The following TAF10 variants were observed in gnomAD, a reference collection of about 807,000 sequenced individuals.
The protein encoded by TAF10 is TATA-box binding protein associated factor 10.
TAF10 carries 2 observed loss-of-function variants against 18.1 expected under a neutral mutation model. The observed-to-expected ratio is 0.11, with a 90% CI of 0.05 to 0.35. The LOEUF (loss-of-function observed/expected upper bound fraction) is 0.35, where lower values mean the gene tolerates loss of function less well. Among genes scored for constraint, TAF10 ranks in the 10% least tolerant of loss-of-function variants. The probability of loss-of-function intolerance (pLI) is 1.00; values close to 1 mark genes in which losing one functional copy is unlikely to be tolerated. For missense variants in TAF10, 293 were observed against 306.9 expected, an observed-to-expected ratio of 0.95 and a Z score of 0.34; for synonymous variants, 158 against 134.6, an observed-to-expected ratio of 1.17 and a Z score of -1.20.
At position 6,612,092 on chromosome 11, in the gene TAF10, A is replaced by G. The variant is rs1398102402; in HGVS notation, c.98T>C (p.Leu33Pro). 5.7e-6 allele frequency: 7 copies of G among 1,233,756 alleles called. No homozygotes were observed. Among genetic ancestry groups the G allele is most frequent in the African/African-American group, 1.6e-5 (1 of 63,774 alleles). 76.4% of individuals were successfully genotyped at this position (1,233,756 alleles called of 1,614,324 possible). ...PAPPVSAPAA[L>P]PSSTAAENKA... ...GTTCTCCGCGGCGGTGCTGGAGGGC[A>G]GCGCGGCGGGAGCCGAGACCGGGGG... Residue 33 changes from leucine to proline, a missense_variant, in exon 1 of 5, where the codon CTG (leucine) becomes CCG (proline). Transcript: ENST00000299424.
Position 6,608,885 on chromosome 11 carries a change from G to A in TAF10, c.*2037C>T. The stretch of plus-strand genomic sequence containing the variant: ...GCTTAGGTTGTTTTTCTTCCCTAGA[G>A]CGGGCAGAGAAGATGGGCCAGAATC... On this transcript the variant is annotated 3_prime_UTR_variant, in exon 5 of 5. Transcript: ENST00000299424. The surrounding 1 kb of genome is among the most constrained non-coding windows in gnomAD (Gnocchi z 4.9). 1 of 1,614,198 alleles carries A rather than the reference G, an allele frequency of 6.2e-7. No individual in the cohort carries two copies.
rs374912970 is a variant in TAF10, at chr11:6,611,757, T to C, written c.294A>G (p.Val98=). The C allele has an allele frequency of 6.2e-7, 1 of 1,611,548 alleles. No homozygotes were observed. The highest frequency in any genetic ancestry group is 1.3e-5 in the African/African-American group (1 of 74,998). The stretch of plus-strand genomic sequence containing the variant: ...CGTCTCCGTTGGCCGCGCTCGGCAG[T>C]ACGTAAACCCCGTTAGATATGGCCC... ...PEGAISNGVY[V]LPSAANGDVK... is the part of the protein sequence containing the mutation. Residue 98 remains valine, a synonymous_variant, in exon 2 of 5, where the codon GTA becomes GTG. Transcript: ENST00000299424.
chr11:6,609,605 T>C lies in TAF10; in HGVS notation c.*1317A>G. On this transcript the variant is annotated 3_prime_UTR_variant, in exon 5 of 5. Coordinates refer to ENST00000299424, the MANE Select transcript of TAF10 (RefSeq NM_006284.4). ...CTCTCATCACACACTGGATGCCGTA[T>C]GGATCCCTCTACAATGTACTACATG... 6.2e-7 allele frequency: 1 copy of C among 1,614,176 alleles called. No homozygotes were observed. Among genetic ancestry groups the C allele is most frequent in the Non-Finnish European group, 8.5e-7 (1 of 1,180,018 alleles).
In TAF10 at chr11:6,610,084, T is replaced by G; in HGVS notation, c.*838A>C. 6.2e-7 allele frequency: 1 copy of G among 1,613,248 alleles called. No individual in the cohort carries two copies. ...AGGTAAAAAAGGACCACCTCAGAAG[T>G]AGTGGAAGGGGGCAGAGACAGGACA... On this transcript the variant is annotated 3_prime_UTR_variant, in exon 5 of 5. Transcript: ENST00000299424.
chr11:6,611,920 A>T (rs1230363407), intron 1 of TAF10, 38 bp downstream of exon 1: 3 of 1,576,350 alleles, frequency 1.9e-6, no homozygotes, highest in Non-Finnish European at 2.6e-6. Context: ...GACCCAGCCC[A>T]AGACGCTTCC....
At position 6,610,629 on chromosome 11, in the gene TAF10, C is replaced by T. The variant is rs1802876; in HGVS notation, c.*293G>A. ...ACAAGTAGGACTGGAAGGTCCTTGC[C>T]TGAACTCCAGAGGTGTCGGGACATG... On this transcript the variant is annotated 3_prime_UTR_variant, in exon 5 of 5. Transcript: ENST00000299424. 6.2e-7 allele frequency: 1 copy of T among 1,614,078 alleles called. No homozygotes were observed. The highest frequency in any genetic ancestry group is 8.5e-7 in the Non-Finnish European group (1 of 1,179,962).
rs775519533 is a variant in TAF10, at chr11:6,610,940, C to T, written c.639G>A (p.Lys213=). 1 of 1,614,092 alleles carries T rather than the reference C, an allele frequency of 6.2e-7. No homozygotes were observed. Among genetic ancestry groups the T allele is most frequent in the East Asian group, 2.2e-5 (1 of 44,902 alleles). The change falls in exon 5 of 5, where the codon AAG becomes AAA. Residue 213 remains lysine (K), a synonymous_variant. Coordinates refer to ENST00000299424, the MANE Select transcript of TAF10 (RefSeq NM_006284.4). The stretch of plus-strand genomic sequence containing the variant: ...GGGTGGCTCAGGTGAAGTAGTGCGG[C>T]TTCTTCACATTGATGCCATACTCGC... The part of the protein sequence containing the change: ...ALSEYGINVK[K]PHYFT
chr11:6,610,647 G>A lies in TAF10; in HGVS notation c.*275C>T, dbSNP rs769798748. ...TCCTTGCCTGAACTCCAGAGGTGTC[G>A]GGACATGGTTGGGGGAATGCACCTC... On this transcript the variant is annotated 3_prime_UTR_variant, in exon 5 of 5. Transcript: ENST00000299424. 9.9e-6 allele frequency: 16 copies of A among 1,613,552 alleles called. No individual in the cohort carries two copies. The Admixed American group carries it at 1.2e-4, about 12-fold the overall frequency.
At position 6,608,658 on chromosome 11, in the gene TAF10, G is replaced by A; in HGVS notation, c.*2264C>T. 2 of 1,543,942 alleles carry A rather than the reference G, an allele frequency of 1.3e-6. No homozygotes were observed. The highest frequency in any genetic ancestry group is 1.8e-6 in the Non-Finnish European group (2 of 1,115,826). ...TGGTTCAGTGACTGCCAGCGAGGTAGCAGTGGCTCTCATCATAATGGCCTT... is the reference window on the plus strand; with the variant it reads ...TGGTTCAGTGACTGCCAGCGAGGTAACAGTGGCTCTCATCATAATGGCCTT... On this transcript the variant is annotated 3_prime_UTR_variant, in exon 5 of 5. Transcript: ENST00000299424. This position sits in a 1 kb window ranked among gnomAD's most constrained non-coding sequence, Gnocchi z 4.9.
chr11:6,610,432 G>T lies in TAF10; in HGVS notation c.*490C>A. ...TCTCTCTACATGACAGACTCAAATT[G>T]TGAGGCTGCTTTTTTTCTTGTATTC... On this transcript the variant is annotated 3_prime_UTR_variant, in exon 5 of 5. Coordinates refer to ENST00000299424, the MANE Select transcript of TAF10 (RefSeq NM_006284.4). The T allele has an allele frequency of 6.2e-7, 1 of 1,614,126 alleles. No individual in the cohort carries two copies. The highest frequency in any genetic ancestry group is 8.5e-7 in the Non-Finnish European group (1 of 1,180,000).
chr11:6,608,718 G>A lies in TAF10; in HGVS notation c.*2204C>T. On this transcript the variant is annotated 3_prime_UTR_variant, in exon 5 of 5. Transcript: ENST00000299424. This position sits in a 1 kb window ranked among gnomAD's most constrained non-coding sequence, Gnocchi z 4.9. ...GGACCTGGTGGCAAATGGGGCCCTT[G>A]TCAGCATCTGTAACAAGTATGGAGA... 1.2e-6 allele frequency: 2 copies of A among 1,614,110 alleles called. No individual in the cohort carries two copies. Among genetic ancestry groups the A allele is most frequent in the Non-Finnish European group, 1.7e-6 (2 of 1,179,978 alleles).
Position 6,608,005 on chromosome 11 carries a change from A to T in TAF10, c.*2917T>A. On this transcript the variant is annotated 3_prime_UTR_variant, in exon 5 of 5. Coordinates refer to ENST00000299424, the MANE Select transcript of TAF10 (RefSeq NM_006284.4). This position sits in a 1 kb window ranked among gnomAD's most constrained non-coding sequence, Gnocchi z 4.9. ...TTTCAGGAATCAAAACCTTTGCCCC[A>T]TCCCACCTCCAGCTCAATGACCATT... is the stretch of plus-strand genomic sequence containing the variant. 6.2e-7 allele frequency: 1 copy of T among 1,609,592 alleles called. No homozygotes were observed. The highest frequency in any genetic ancestry group is 8.5e-7 in the Non-Finnish European group (1 of 1,177,050).
chr11:6,611,294 G>A lies in TAF10; in HGVS notation c.462C>T (p.Leu154=). ...FEASDPRIIR[L]ISLAAQKFIS... ...TGAATTTCTGGGCAGCTAAGGAGAT[G>A]AGCCGAATTCTAGAGAGAAAAAACT... is the stretch of plus-strand genomic sequence containing the variant. The change falls in exon 4 of 5, where the codon CTC becomes CTT. Residue 154 remains leucine, a synonymous_variant. Transcript: ENST00000299424. The A allele has an allele frequency of 6.2e-7, 1 of 1,614,120 alleles. No individual in the cohort carries two copies. The highest frequency in any genetic ancestry group is 8.5e-7 in the Non-Finnish European group (1 of 1,180,034).
chr11:6,608,597 T>G lies in TAF10; in HGVS notation c.*2325A>C. On this transcript the variant is annotated 3_prime_UTR_variant, in exon 5 of 5. Coordinates refer to ENST00000299424, the MANE Select transcript of TAF10 (RefSeq NM_006284.4). This position sits in a 1 kb window ranked among gnomAD's most constrained non-coding sequence, Gnocchi z 4.9. Reference sequence around the variant, plus strand: ...TTCTGTCAGTACTACTGTGTGACACTTACAGGATTAAGTTCTACATTTGTG... The same window carrying G: ...TTCTGTCAGTACTACTGTGTGACACGTACAGGATTAAGTTCTACATTTGTG... 2 of 1,344,922 alleles carry G rather than the reference T, an allele frequency of 1.5e-6. No individual in the cohort carries two copies. Among genetic ancestry groups the G allele is most frequent in the Non-Finnish European group, 2.1e-6 (2 of 934,594 alleles). 83.3% of individuals were successfully genotyped at this position (1,344,922 alleles called of 1,614,324 possible).
chr11:6,611,672 T>A lies in TAF10; in HGVS notation c.379A>T (p.Thr127Ser). Residue 127 changes from threonine to serine, a missense_variant, in exon 2 of 5, where the codon ACG becomes TCG. Physicochemically the swap from Thr to Ser is moderately conservative, Grantham distance 58. Coordinates refer to ENST00000299424, the MANE Select transcript of TAF10 (RefSeq NM_006284.4). ...VDFLMQLEDYTPTIPDAVTGY... is the reference protein window; with the variant it reads ...VDFLMQLEDYSPTIPDAVTGY... The stretch of plus-strand genomic sequence containing the variant: ...TTCGGGCGGAAGCCCACCGTAGGCG[T>A]GTAATCTTCCAGCTGCATCAAGAAG... 1 of 1,590,830 alleles carries A rather than the reference T, an allele frequency of 6.3e-7. No individual in the cohort carries two copies. Among genetic ancestry groups the A allele is most frequent in the South Asian group, 1.1e-5 (1 of 87,980 alleles).
Position 6,608,916 on chromosome 11 carries a change from C to T in TAF10, c.*2006G>A, listed in dbSNP as rs761400440. The T allele has an allele frequency of 6.8e-6, 11 of 1,614,206 alleles. No individual in the cohort carries two copies. In the East Asian group the frequency reaches 8.9e-5, roughly 13 times the overall value. ...AGAGAAGATGGGCCAGAATCTCAAC[C>T]GTATTCCATACAAGGACACATTCTG... On this transcript the variant is annotated 3_prime_UTR_variant, in exon 5 of 5. Coordinates refer to ENST00000299424, the MANE Select transcript of TAF10 (RefSeq NM_006284.4). This position sits in a 1 kb window ranked among gnomAD's most constrained non-coding sequence, Gnocchi z 4.9.
At position 6,610,089 on chromosome 11, in the gene TAF10, GAAGGGGGCAGAGACAGGACAGGC is replaced by G. The variant is rs1855348251; in HGVS notation, c.*810_*832del. ...AAAAAGGACCACCTCAGAAGTAGTG[GAAGGGGGCAGAGACAGGACAGGC>G]AAGGGGGCCAGAACAGACAAGCCCT... On this transcript the variant is annotated 3_prime_UTR_variant, in exon 5 of 5. Coordinates refer to ENST00000299424, the MANE Select transcript of TAF10 (RefSeq NM_006284.4). 1.2e-6 allele frequency: 2 copies of G among 1,614,032 alleles called. No homozygotes were observed. Among genetic ancestry groups the G allele is most frequent in the Admixed American group, 3.3e-5 (2 of 60,000 alleles).
rs2134546613 is a variant in TAF10, at chr11:6,607,438, C to T, written c.*3484G>A. 6.4e-6 allele frequency: 1 copy of T among 156,850 alleles called. No individual in the cohort carries two copies. Among genetic ancestry groups the T allele is most frequent in the South Asian group, 1.8e-4 (1 of 5,446 alleles). The allele number at this position is 156,850 out of a possible 1,614,324, so 9.7% of individuals were successfully genotyped here. On this transcript the variant is annotated 3_prime_UTR_variant, in exon 5 of 5. Coordinates refer to ENST00000299424, the MANE Select transcript of TAF10 (RefSeq NM_006284.4). ...CTCATCAGTAGTCAAAAGCATTTCT[C>T]CTTTTCAACATAAACCCTTCCAAAA...
At position 6,610,407 on chromosome 11, in the gene TAF10, T is replaced by A; in HGVS notation, c.*515A>T. On this transcript the variant is annotated 3_prime_UTR_variant, in exon 5 of 5. Transcript: ENST00000299424. ...AATCCTGTCCCAAGGGCCAGTGGCT[T>A]CTCTCTACATGACAGACTCAAATTG... 3 of 1,613,922 alleles carry A rather than the reference T, an allele frequency of 1.9e-6. No individual in the cohort carries two copies. The highest frequency in any genetic ancestry group is 1.7e-6 in the Non-Finnish European group (2 of 1,179,896).
Sources: gnomAD v4.1 joint callset for allele counts on GRCh38, gnomAD v4.1.1 for gene constraint, Gnocchi (gnomAD v3.1) non-coding constraint, MANE v1.5 for transcripts, NCBI Gene and HGNC (gene_info 2026-07-23, HGNC 2026-07-21) for gene names.